Variants in HYDIN observed in about 807,000 individuals in gnomAD.
The protein encoded by HYDIN is HYDIN axonemal central pair apparatus protein, also known as axonemal central pair apparatus protein HYDIN.
Under a neutral mutation model 403.9 loss-of-function variants are expected in HYDIN, and 132 were observed. The observed-to-expected ratio is 0.33, with a 90% CI of 0.28 to 0.38. The LOEUF is 0.38. Ranked by LOEUF, HYDIN falls within the 10% of genes least tolerant of loss-of-function variation. HYDIN has a pLI of 1.00. For missense variants in HYDIN, 2,827 were observed against 5,009.5 expected, an observed-to-expected ratio of 0.56 and a Z score of 13.15; for synonymous variants, 1,202 against 1,891.7, an observed-to-expected ratio of 0.64 and a Z score of 9.46.
At position 70,866,193 on chromosome 16, in the gene HYDIN, A is replaced by G; in HGVS notation, c.11447T>C (p.Leu3816Ser). The G allele has an allele frequency of 6.3e-7, 1 of 1,588,470 alleles. No individual in the cohort carries two copies. Among genetic ancestry groups the G allele is most frequent in the Non-Finnish European group, 8.6e-7 (1 of 1,165,288 alleles). ...CTCAAACACTCGGGTCTGGTAAACCAAGGTTTCCTTAAAGCGCACATCTCT... is the reference window on the plus strand; with the variant it reads ...CTCAAACACTCGGGTCTGGTAAACCGAGGTTTCCTTAAAGCGCACATCTCT... The part of the protein sequence containing the change: ...QARDVRFKET[L>S]VYQTRVFEFD... The change falls in exon 67 of 86, where the codon TTG (leucine) becomes TCG (serine). Residue 3816 changes from leucine to serine, a missense_variant. By Grantham distance (145) the Leu-to-Ser change is moderately radical. Transcript: ENST00000393567.
chr16:70,879,767 G>T lies in HYDIN; in HGVS notation c.10216-11C>A. 1 of 1,022,634 alleles carries T rather than the reference G, an allele frequency of 9.8e-7. No homozygotes were observed. The allele number at this position is 1,022,634 out of a possible 1,614,324, so 63.3% of individuals were successfully genotyped here. A position where few individuals can be genotyped will look rare whatever the true frequency, so the allele number is the denominator to read the frequency against. On this transcript the variant is annotated splice_polypyrimidine_tract_variant and intron_variant, in intron 60 of 85. Transcript: ENST00000393567. ...GATGCGGGCAAAGGGCTGGTGATGG[G>T]GGCAGAGACCAGAGTGTGTCAGTGC...
rs762774606 is a variant in HYDIN at position 70,894,455 on chromosome 16, G to A, written c.9242C>T (p.Ala3081Val). 8.1e-6 allele frequency: 13 copies of A among 1,596,560 alleles called. No homozygotes were observed. The highest frequency in any genetic ancestry group is 2.7e-5 in the African/African-American group (2 of 73,814). Residue 3081 changes from alanine to valine, a missense_variant, in exon 55 of 86, where the codon GCG (alanine) becomes GTG (valine). Coordinates refer to ENST00000393567, the MANE Select transcript of HYDIN (RefSeq NM_001270974.2). ...CTGATGGGATTCCAGTTACCTGAAC[G>A]CGATCTCATATTTCCCACGGTTCTT... Reference protein sequence around the residue: ...QLKNRGKYEIAFSFSVDSVGI... With the variant: ...QLKNRGKYEIVFSFSVDSVGI...
Position 71,031,876 on chromosome 16 carries a change from GC to G in HYDIN, c.2570del (p.Gly857AlafsTer13). 4.2e-6 allele frequency: 5 copies of G among 1,187,852 alleles called. No homozygotes were observed. Among genetic ancestry groups the G allele is most frequent in the Non-Finnish European group, 6.1e-6 (5 of 814,758 alleles). The allele number at this position is 1,187,852 out of a possible 1,614,324, so 73.6% of individuals were successfully genotyped here. On this transcript the variant is annotated frameshift_variant, in exon 19 of 86. Coordinates refer to ENST00000393567, the MANE Select transcript of HYDIN (RefSeq NM_001270974.2). LOFTEE classifies it high-confidence loss of function. ...GAACATCAGTTTCTGGAGGAACCAT[GC>G]CTTCATTGGGTTCAATCGTCCAAAG... ...KSLWTIEPNE[G>X]MVPPETDVQL...
At chr16:71,004,306 C>A (rs542673943) in intron 23 of HYDIN, among the ~76,000 whole-genome samples, 1 of 129,820 alleles carries the variant, frequency 7.7e-6, no homozygotes, top group Admixed American at 8.0e-5. Context: ...AAGAGCGAAA[C>A]TCCATTTCAA....
At chr16:71,110,208 A>T (rs1462180336) in intron 10 of HYDIN, among the ~76,000 whole-genome samples, 1 of 147,578 alleles carries the variant, frequency 6.8e-6, no homozygotes, top group Non-Finnish European at 1.5e-5. Context: ...GCAGCATAAG[A>T]TATACAGGAT....
chr16:71,205,373 G>A (rs892349316), intron 1 of HYDIN, among the ~76,000 whole-genome samples: 5 of 152,184 alleles, frequency 3.3e-5, no homozygotes, highest in Admixed American at 6.5e-5. Context: ...AGAACCCCTG[G>A]GGGATTCATG....
At chr16:71,205,293 C>T (rs769496185) in intron 1 of HYDIN, among the ~76,000 whole-genome samples, 43 of 152,174 alleles carry the variant, frequency 2.8e-4, no homozygotes, top group South Asian at 4.1e-4. Context: ...AGCAAAGCTG[C>T]GCACCAGCCT....
At chr16:70,963,062 C>A (rs1031433917) in intron 37 of HYDIN, among the ~76,000 whole-genome samples, 1 of 152,014 alleles carries the variant, frequency 6.6e-6, no homozygotes, top group Admixed American at 6.5e-5. Flanking sequence ...GCCTTCTCTG[C>A]CTTTGGGAGG....
intron 10 of HYDIN, among the ~76,000 whole-genome samples, chr16:71,111,748 T>A (rs2083840547): frequency 6.6e-6 from 1 of 150,976 alleles, no homozygotes; most frequent in Admixed American, 6.6e-5. Flanking sequence ...TTGAATTAAA[T>A]TTAGTGTCAT....
chr16:70,973,183 C>T (rs1387517563), intron 35 of HYDIN, among the ~76,000 whole-genome samples, 160 bp downstream of exon 35: 4 of 152,226 alleles, frequency 2.6e-5, no homozygotes, highest in Non-Finnish European at 5.9e-5. Flanking sequence ...CCAGGCCACA[C>T]AGCTCCTATG....
intron 5 of HYDIN, among the ~76,000 whole-genome samples, chr16:71,163,585 T>C (rs966903488): frequency 3.9e-5 from 6 of 152,158 alleles, no homozygotes; most frequent in African/African-American, 1.4e-4. Context: ...AAGCTTTGGG[T>C]CTACCCAGTC....
intron 9 of HYDIN, among the ~76,000 whole-genome samples, chr16:71,126,415 A>T (rs1373080608): frequency 6.6e-6 from 1 of 152,186 alleles, no homozygotes; most frequent in African/African-American, 2.4e-5. Flanking sequence ...GAGGACCAAA[A>T]ATGTAAATAG....
At chr16:71,010,210 C>T (rs1020641418) in intron 23 of HYDIN, among the ~76,000 whole-genome samples, 1 of 151,414 alleles carries the variant, frequency 6.6e-6, no homozygotes, top group Non-Finnish European at 1.5e-5. Context: ...TGTCTTCCCT[C>T]TGGCCCCAGG....
intron 18 of HYDIN, among the ~76,000 whole-genome samples, chr16:71,047,058 G>A (rs1217339259): frequency 6.6e-6 from 1 of 152,120 alleles, no homozygotes; most frequent in Non-Finnish European, 1.5e-5. Flanking sequence ...AATGATAGGT[G>A]CTAGCTGTAT....
In HYDIN at chr16:71,184,878, G is replaced by T. The variant is rs984523432; in HGVS notation, c.248C>A (p.Thr83Lys). 6.2e-7 allele frequency: 1 copy of T among 1,605,012 alleles called. No individual in the cohort carries two copies. Among genetic ancestry groups the T allele is most frequent in the South Asian group, 1.1e-5 (1 of 89,706 alleles). Residue 83 changes from threonine to lysine, a missense_variant, in exon 3 of 86, where the codon ACA becomes AAA. Transcript: ENST00000393567. ...GAGAGCAGCTACCTTCTGATGTGTT[G>T]TTTCCCCCATATCTAAGAGTTCGAT... Reference protein sequence around the residue: ...QIIELLDMGETTHQKFSGIDL... With the variant: ...QIIELLDMGEKTHQKFSGIDL...
chr16:71,176,259 C>T (rs775435957), intron 4 of HYDIN, among the ~76,000 whole-genome samples: 23 of 148,630 alleles, frequency 1.5e-4, no homozygotes, highest in Non-Finnish European at 2.2e-4. Flanking sequence ...GAGCCGAGAT[C>T]GGGCCACTGC....
intron 13 of HYDIN, among the ~76,000 whole-genome samples, chr16:71,073,278 G>A (rs1404773620): frequency 6.6e-6 from 1 of 151,986 alleles, no homozygotes; most frequent in Non-Finnish European, 1.5e-5. Context: ...TTATCTTAAG[G>A]TTATACAATT....
intron 29 of HYDIN, among the ~76,000 whole-genome samples, chr16:70,980,531 A>T (rs1450226171): frequency 6.8e-6 from 1 of 147,542 alleles, no homozygotes; most frequent in East Asian, 1.9e-4. Flanking sequence ...TTGCCTATAT[A>T]TATATATAAA....
Position 71,062,480 on chromosome 16 carries a change from A to G in HYDIN, c.2212-147T>C, listed in dbSNP as rs186037407. Reference sequence around the variant, plus strand: ...CAAGTAAATAGGGATGAGCACCCCAATTCGGCCAAAAGGAAGTTTGGTTAA... The same window carrying G: ...CAAGTAAATAGGGATGAGCACCCCAGTTCGGCCAAAAGGAAGTTTGGTTAA... On this transcript the variant is annotated intron_variant, in intron 16 of 85. Coordinates refer to ENST00000393567, the MANE Select transcript of HYDIN (RefSeq NM_001270974.2). 56 of 593,716 alleles carry G rather than the reference A, an allele frequency of 9.4e-5. 1 individual carries two copies. Among genetic ancestry groups the G allele is most frequent in the African/African-American group, 8.9e-4 (48 of 53,674 alleles). 36.8% of individuals were successfully genotyped at this position (593,716 alleles called of 1,614,324 possible).
Sources: allele counts gnomAD v4.1 joint callset (sites outside exome capture counted in the v4.1 genomes callset), GRCh38; gene constraint gnomAD v4.1.1; transcripts MANE v1.5; gene names NCBI Gene and HGNC (gene_info 2026-07-23, HGNC 2026-07-21).